LRATD1: variants seen among roughly 807,000 people sequenced by gnomAD.
LRATD1 encodes LRAT domain containing 1.
A neutral mutation model predicts 21.3 loss-of-function variants in LRATD1; 8 were observed. The ratio of observed to expected loss-of-function variants is 0.38; its 90% CI spans 0.22 to 0.68. The LOEUF is 0.68. Ranked by LOEUF, LRATD1 falls within the 30% of genes least tolerant of loss-of-function variation. LRATD1 has a pLI of 0.54. For missense variants in LRATD1, 380 were observed against 404.0 expected (o/e 0.94, Z 0.51); for synonymous variants, 210 against 186.2 (o/e 1.13, Z -1.04).
intron 2 of LRATD1, chr2:14,646,020 C>T (rs1160190555): frequency 6.6e-6 from 1 of 152,132 alleles, no homozygotes; most frequent in African/African-American, 2.4e-5. Flanking sequence ...CTCAGGGGTT[C>T]TGATCCAAAA....
At chr2:14,646,802 C>G (rs1671903534) in intron 4 of LRATD1, among the ~76,000 whole-genome samples, 3 of 152,138 alleles carry the variant, frequency 2.0e-5, no homozygotes, top group African/African-American at 7.2e-5. Flanking sequence ...GCTGGAAGAG[C>G]ATTACCATGA....
downstream of LRATD1, among the ~76,000 whole-genome samples, chr2:14,651,914 C>T (rs1672011432): frequency 6.6e-6 from 1 of 151,978 alleles, no homozygotes; most frequent in Non-Finnish European, 1.5e-5. Context: ...TTGATAAATG[C>T]TATTAATTTT....
chr2:14,647,251 A>G (rs917064327), intron 4 of LRATD1, among the ~76,000 whole-genome samples: 3 of 152,112 alleles, frequency 2.0e-5, no homozygotes, highest in Non-Finnish European at 2.9e-5. Context: ...AGGTTTCCCA[A>G]TTTTTGAATG....
At chr2:14,640,780 C>T (rs758377912), downstream of LRATD1, among the ~76,000 whole-genome samples, 15 of 152,140 alleles carry the variant, frequency 9.9e-5, no homozygotes, top group Non-Finnish European at 2.1e-4. Flanking sequence ...CTAGGGAGAT[C>T]ATACCCATGA....
At chr2:14,649,532 C>T (rs990499298) in intron 5 of LRATD1, 6 of 371,614 alleles carry the variant, frequency 1.6e-5, no homozygotes, top group Admixed American at 6.8e-5. Flanking sequence ...CTTTCTCTTG[C>T]GTGTAGCCTA....
At chr2:14,644,788 T>G (rs4668837), downstream of LRATD1, among the ~76,000 whole-genome samples, 74,740 of 151,836 alleles carry the variant, frequency 0.49, 21,328 homozygotes, top group African/African-American at 0.8. Context: ...GGAAGACAGG[T>G]TCATAGGCCA....
At chr2:14,642,195 T>C (rs1275329448), downstream of LRATD1, 3 of 152,668 alleles carry the variant, frequency 2.0e-5, no homozygotes, top group Non-Finnish European at 4.4e-5. Flanking sequence ...AGTAGAAATT[T>C]AGTTTCTGTT....
chr2:14,643,335 G>C (rs1028861897), downstream of LRATD1, among the ~76,000 whole-genome samples: 1 of 152,140 alleles, frequency 6.6e-6, no homozygotes, highest in Admixed American at 6.6e-5. Context: ...TTAATTCTGC[G>C]TATGTTACTT....
downstream of LRATD1, among the ~76,000 whole-genome samples, chr2:14,651,877 ATTG>A (rs1365881533): frequency 6.6e-6 from 1 of 152,128 alleles, no homozygotes; most frequent in Non-Finnish European, 1.5e-5. Flanking sequence ...AAATGTACAT[ATTG>A]TAAGTTGGTG....
Position 14,634,371 on chromosome 2 carries a change from T to TGCAGCCCGCGCCGGA in LRATD1, c.395_409dup (p.Gln132_Glu136dup). 6 of 1,565,576 alleles carry TGCAGCCCGCGCCGGA rather than the reference T, an allele frequency of 3.8e-6. No individual in the cohort carries two copies. Among genetic ancestry groups the TGCAGCCCGCGCCGGA allele is most frequent in the Non-Finnish European group, 5.2e-6 (6 of 1,157,282 alleles). On this transcript the variant is annotated inframe_insertion, in exon 2 of 2. Coordinates refer to ENST00000295092, the MANE Select transcript of LRATD1 (RefSeq NM_145175.4). ...GGCGACCTGCTGGAGCTGCTGTGGC[T>TGCAGCCCGCGCCGGA]GCAGCCCGCGCCGGAGCCGCCCGCG...
Position 14,634,156 on chromosome 2 carries a change from G to A in LRATD1, c.177G>A (p.Pro59=). The change falls in exon 2 of 2, where the codon CCG becomes CCA. Residue 59 remains proline, a synonymous_variant. Transcript: ENST00000295092. ...QPDKFGVKAP[P]GCTPCPESPS... ...ACAAGTTTGGCGTGAAGGCCCCCCC[G>A]GGTTGCACCCCCTGCCCGGAGAGCC... 6.2e-7 allele frequency: 1 copy of A among 1,613,852 alleles called. No individual in the cohort carries two copies. The highest frequency in any genetic ancestry group is 8.5e-7 in the Non-Finnish European group (1 of 1,179,996).
downstream of LRATD1, chr2:14,650,152 T>A (rs1205373192): frequency 6.6e-6 from 1 of 152,196 alleles, no homozygotes; most frequent in Non-Finnish European, 1.5e-5. Context: ...TCTGAACCAG[T>A]TTCTTGTTAT....
rs536484835 is a variant in LRATD1, at chr2:14,635,188, C to A, written c.*330C>A. 7.2e-5 allele frequency: 45 copies of A among 624,396 alleles called. No homozygotes were observed. The East Asian group carries it at 1.1e-3, about 15-fold the overall frequency. The allele number at this position is 624,396 out of a possible 1,614,324, so 38.7% of individuals were successfully genotyped here. ...GGGCTGAGGGGAGAAAGGACATGGC[C>A]TTCCCCGCGAGTCCATGGCCAGTGA... On this transcript the variant is annotated 3_prime_UTR_variant, in exon 2 of 2. Coordinates refer to ENST00000295092, the MANE Select transcript of LRATD1 (RefSeq NM_145175.4).
chr2:14,640,158 G>T (rs901480766), downstream of LRATD1: 2 of 165,146 alleles, frequency 1.2e-5, no homozygotes, highest in African/African-American at 2.4e-5. Context: ...GATTTTTCTC[G>T]CATGAAATCA....
At chr2:14,642,701 G>A (rs988073045), downstream of LRATD1, among the ~76,000 whole-genome samples, 2 of 152,090 alleles carry the variant, frequency 1.3e-5, no homozygotes, top group African/African-American at 2.4e-5. Flanking sequence ...AGTAGGGGGA[G>A]CAGAAGAAAA....
chr2:14,643,870 C>CTA (rs1671850535), downstream of LRATD1, among the ~76,000 whole-genome samples: 1 of 152,152 alleles, frequency 6.6e-6, no homozygotes. Context: ...AACCTGATTG[C>CTA]CTTCTGAAAT....
At chr2:14,642,291 G>A (rs1572301248), downstream of LRATD1, among the ~76,000 whole-genome samples, 1 of 152,244 alleles carries the variant, frequency 6.6e-6, no homozygotes, top group East Asian at 1.9e-4. Flanking sequence ...GAGTTTAAAA[G>A]GTTTCTCTGT....
chr2:14,634,253 C>G lies in LRATD1; in HGVS notation c.274C>G (p.Gln92Glu), dbSNP rs758305374. The G allele has an allele frequency of 1.2e-6, 2 of 1,609,846 alleles. No individual in the cohort carries two copies. Among genetic ancestry groups the G allele is most frequent in the African/African-American group, 2.7e-5 (2 of 74,942 alleles). Residue 92 changes from glutamine to glutamate, a missense_variant, in exon 2 of 2, where the codon CAG (glutamine) becomes GAG (glutamate). Transcript: ENST00000295092. ...NETQFSAFRG[Q>E]ECIFSKVSGG... ...GACTCAGTTTTCCGCCTTTCGGGGCCAGGAATGCATCTTTTCCAAAGTGAG... is the reference window on the plus strand; with the variant it reads ...GACTCAGTTTTCCGCCTTTCGGGGCGAGGAATGCATCTTTTCCAAAGTGAG...
intron 2 of LRATD1, among the ~76,000 whole-genome samples, chr2:14,645,427 T>A (rs1283560718): frequency 6.6e-6 from 1 of 152,224 alleles, no homozygotes; most frequent in Non-Finnish European, 1.5e-5. Context: ...AACAGCTGAC[T>A]TTATGCATTT....
Sources: allele counts gnomAD v4.1 joint callset (sites outside exome capture counted in the v4.1 genomes callset), GRCh38; gene constraint gnomAD v4.1.1; transcripts MANE v1.5; gene names NCBI Gene and HGNC (gene_info 2026-07-23, HGNC 2026-07-21).